The following PPM1H variants were observed in gnomAD, a reference collection of about 807,000 sequenced individuals.
PPM1H encodes the protein protein phosphatase 1H.
A neutral mutation model predicts 54.9 loss-of-function variants in PPM1H; 27 were observed. The observed-to-expected ratio is 0.49, with a 90% CI of 0.36 to 0.68. The LOEUF is 0.68. Ranked by LOEUF, PPM1H falls within the 30% of genes least tolerant of loss-of-function variation. The pLI, the probability that PPM1H is intolerant of heterozygous loss-of-function variation, is 0.00. For synonymous variants in PPM1H, 305 were observed against 270.8 expected (o/e 1.13, Z -1.24); for missense variants, 596 against 667.8 (o/e 0.89, Z 1.19).
intron 1 of PPM1H, among the ~76,000 whole-genome samples, chr12:62,861,184 T>C (rs1194338475): frequency 6.6e-6 from 1 of 152,228 alleles, no homozygotes; most frequent in Non-Finnish European, 1.5e-5. Context: ...AAATAAGCTA[T>C]GGGCCTCATT....
At chr12:62,831,463 TCTG>T (rs1868355755) in intron 2 of PPM1H, among the ~76,000 whole-genome samples, 2 of 152,082 alleles carry the variant, frequency 1.3e-5, no homozygotes, top group South Asian at 4.1e-4. Context: ...CAGTGTTCAG[TCTG>T]CAAGGCCACC....
intron 1 of PPM1H, among the ~76,000 whole-genome samples, chr12:62,932,409 G>A (rs1000346592): frequency 6.6e-6 from 1 of 151,844 alleles, no homozygotes; most frequent in Non-Finnish European, 1.5e-5. Context: ...TGTCCAAACG[G>A]CTTCCACCTT....
chr12:62,870,461 G>A (rs1418449862), intron 1 of PPM1H, among the ~76,000 whole-genome samples: 3 of 152,160 alleles, frequency 2.0e-5, no homozygotes, highest in East Asian at 1.9e-4. Context: ...TTTTTCAAGA[G>A]AAATGAGAGG....
intron 4 of PPM1H, among the ~76,000 whole-genome samples, chr12:62,747,496 C>T (rs778104212): frequency 5.3e-5 from 8 of 152,180 alleles, no homozygotes; most frequent in East Asian, 1.9e-4. Context: ...CCTAAGCCTC[C>T]GAAAGTGTTG....
intron 8 of PPM1H, among the ~76,000 whole-genome samples, chr12:62,673,852 A>G (rs1433490597): frequency 6.7e-6 from 1 of 149,702 alleles, no homozygotes; most frequent in Admixed American, 6.7e-5. Flanking sequence ...CAGCCTTTCA[A>G]GTAGCTGGGA....
intron 2 of PPM1H, among the ~76,000 whole-genome samples, chr12:62,826,784 A>C (rs1291211342): frequency 6.6e-6 from 1 of 152,256 alleles, no homozygotes; most frequent in East Asian, 1.9e-4. Context: ...GAGGGACTTC[A>C]TGCATCTTCG....
At chr12:62,707,342 T>A (rs2076181747) in intron 6 of PPM1H, among the ~76,000 whole-genome samples, 1 of 152,188 alleles carries the variant, frequency 6.6e-6, no homozygotes, top group Non-Finnish European at 1.5e-5. Context: ...TGGCACCTTA[T>A]GAACAGTCAC....
chr12:62,863,521 C>T (rs1015346131), intron 1 of PPM1H, among the ~76,000 whole-genome samples: 1 of 152,134 alleles, frequency 6.6e-6, no homozygotes, highest in Admixed American at 6.5e-5. Flanking sequence ...CTCACTTTCA[C>T]ACATAAGGTA....
intron 4 of PPM1H, among the ~76,000 whole-genome samples, chr12:62,742,464 A>C (rs558979473): frequency 6.6e-6 from 1 of 152,314 alleles, no homozygotes; most frequent in African/African-American, 2.4e-5. Flanking sequence ...GGAGTAGGGC[A>C]ATGAGACGAA....
intron 9 of PPM1H, among the ~76,000 whole-genome samples, chr12:62,657,636 C>A (rs571336979): frequency 4.0e-4 from 61 of 152,322 alleles, no homozygotes; most frequent in Admixed American, 1.3e-4. Context: ...GAAACCCTTC[C>A]TTTTTGCATT....
At chr12:62,830,870 T>C (rs1389423993) in intron 2 of PPM1H, among the ~76,000 whole-genome samples, 2 of 152,204 alleles carry the variant, frequency 1.3e-5, no homozygotes, top group African/African-American at 4.8e-5. Flanking sequence ...TTTTTCTCTT[T>C]TTGAGATGGA....
At chr12:62,847,994 C>A (rs898691681) in intron 1 of PPM1H, among the ~76,000 whole-genome samples, 1 of 152,074 alleles carries the variant, frequency 6.6e-6, no homozygotes, top group Non-Finnish European at 1.5e-5. Context: ...CAGAATCCTG[C>A]CTATGGTAAG....
intron 4 of PPM1H, among the ~76,000 whole-genome samples, chr12:62,744,235 C>G (rs2076398161): frequency 6.6e-6 from 1 of 150,854 alleles, no homozygotes. Context: ...CTTTGGGAGG[C>G]CGAGGTGAGT....
At chr12:62,802,512 TACAA>T (rs2076777183) in intron 2 of PPM1H, among the ~76,000 whole-genome samples, 1 of 151,576 alleles carries the variant, frequency 6.6e-6, no homozygotes, top group African/African-American at 2.4e-5. Context: ...AAAACTCTCC[TACAA>T]ACAGACAAGT....
At chr12:62,769,271 T>A (rs967865439) in intron 4 of PPM1H, among the ~76,000 whole-genome samples, 9 of 152,122 alleles carry the variant, frequency 5.9e-5, no homozygotes, top group Non-Finnish European at 1.2e-4. Context: ...CCACTTGGGG[T>A]AAGGAAGTTG....
intron 1 of PPM1H, among the ~76,000 whole-genome samples, chr12:62,927,532 G>A (rs1279908774): frequency 6.6e-6 from 1 of 151,546 alleles, no homozygotes; most frequent in Non-Finnish European, 1.5e-5. Flanking sequence ...TGTGGTGGTG[G>A]GCGCCTGTAA....
At chr12:62,833,729 A>C (rs1344182556) in intron 1 of PPM1H, among the ~76,000 whole-genome samples, 1 of 152,224 alleles carries the variant, frequency 6.6e-6, no homozygotes, top group African/African-American at 2.4e-5. Context: ...GGTGTTTCAG[A>C]AATTTTAACA....
intron 9 of PPM1H, among the ~76,000 whole-genome samples, chr12:62,649,691 G>C (rs567165312): frequency 1.3e-5 from 2 of 152,190 alleles, no homozygotes; most frequent in Admixed American, 1.3e-4. Flanking sequence ...ATTATGATCT[G>C]CCTCCCTGTG....
At chr12:62,927,655 T>C (rs1200774459) in intron 1 of PPM1H, among the ~76,000 whole-genome samples, 52 of 136,580 alleles carry the variant, frequency 3.8e-4, no homozygotes, top group African/African-American at 1.4e-3. Context: ...AGAGCGAAAC[T>C]CCGTCTCAAA....
Sources: gnomAD v4.1 joint callset for allele counts (sites outside exome capture counted in the v4.1 genomes callset) on GRCh38, gnomAD v4.1.1 for gene constraint, MANE v1.5 for transcripts, NCBI Gene and HGNC (gene_info 2026-07-23, HGNC 2026-07-21) for gene names.